Variants in NOTCH1 observed in about 807,000 individuals in gnomAD.
NOTCH1 encodes neurogenic locus notch homolog protein 1.
A neutral mutation model predicts 254.8 loss-of-function variants in NOTCH1; 37 were observed. That is an observed-to-expected ratio of 0.15 (90% confidence interval 0.11 to 0.19). NOTCH1 has a LOEUF of 0.19. Ranked by LOEUF, NOTCH1 falls within the 10% of genes least tolerant of loss-of-function variation. The pLI, the probability that NOTCH1 is intolerant of heterozygous loss-of-function variation, is 1.00. For missense variants in NOTCH1, 2,972 were observed against 3,708.6 expected, an observed-to-expected ratio of 0.80 and a Z score of 5.16; for synonymous variants, 1,731 against 1,618.1, an observed-to-expected ratio of 1.07 and a Z score of -1.68.
intron 31 of NOTCH1, among the ~76,000 whole-genome samples, 162 bp downstream of exon 31, chr9:136,500,390 C>T (rs567140263): frequency 1.6e-4 from 25 of 152,372 alleles, no homozygotes; most frequent in Admixed American, 1.0e-3. Context: ...CCCTCCCCCT[C>T]GCACCTCGCT....
rs1843683637 is a variant in NOTCH1, at chr9:136,538,226, C to T, written c.140+5798G>A. On this transcript the variant is annotated intron_variant, in intron 2 of 33. Transcript: ENST00000651671. ...GGGTGGGGCAGGGCCACAAGGAGAA[C>T]CCAACCAGGCAACTTTGGAAAAGGG... is the stretch of plus-strand genomic sequence containing the variant. 2.6e-5 allele frequency among the ~76,000 whole-genome samples: 4 copies of T among 152,140 alleles called. No individual in the cohort carries two copies. The South Asian group carries it at 8.3e-4, about 32-fold the overall frequency.
At chr9:136,497,646 T>C in intron 33 of NOTCH1, 88 bp from the exon 34 acceptor site, 2 of 1,183,514 alleles carry the variant, frequency 1.7e-6, no homozygotes, top group Non-Finnish European at 2.3e-6. Context: ...GAAGCAGCAG[T>C]ACAACCTCCT....
rs780071276 is a variant in NOTCH1, at chr9:136,496,955, C to T, written c.6784G>A (p.Gly2262Ser). ...KPEMAALGGGGRLAFETGPPR... is the reference protein window; with the variant it reads ...KPEMAALGGGSRLAFETGPPR... ...GGGCCAGTCTCAAAGGCCAGCCGGC[C>T]GCCCCCACCCAGCGCCGCCATCTCG... Residue 2262 changes from glycine to serine, a missense_variant, in exon 34 of 34, where the codon GGC (glycine) becomes AGC (serine). Coordinates refer to ENST00000651671, the MANE Select transcript of NOTCH1 (RefSeq NM_017617.5). 13 of 1,610,890 alleles carry T rather than the reference C, an allele frequency of 8.1e-6. No individual in the cohort carries two copies. Among genetic ancestry groups the T allele is most frequent in the East Asian group, 2.2e-5 (1 of 44,864 alleles).
chr9:136,501,724 A>G (rs2133328377), intron 30 of NOTCH1, 24 bp downstream of exon 30: 1 of 1,608,888 alleles, frequency 6.2e-7, no homozygotes, highest in Non-Finnish European at 8.5e-7. Context: ...GGGCTAGGGA[A>G]GCCCTGGCTG....
At position 136,545,645 on chromosome 9, in the gene NOTCH1, C is replaced by T. The variant is rs1485080652; in HGVS notation, c.61+81G>A. 3 of 1,215,110 alleles carry T rather than the reference C, an allele frequency of 2.5e-6. No homozygotes were observed. In the Admixed American group the frequency reaches 8.9e-5, roughly 36 times the overall value. The allele number at this position is 1,215,110 out of a possible 1,614,324, so 75.3% of individuals were successfully genotyped here. A position where few individuals can be genotyped will look rare whatever the true frequency, so the allele number is the denominator to read the frequency against. ...TGGCCTCCCCGCCGCCCGCTCCCAG[C>T]CGTGGGGCGCGCGCGCCGGGCGCCG... is the stretch of plus-strand genomic sequence containing the variant. On this transcript the variant is annotated intron_variant, in intron 1 of 33. Transcript: ENST00000651671. The surrounding 1 kb of genome is among the most constrained non-coding windows in gnomAD (Gnocchi z 6.8).
At chr9:136,523,264 C>A in intron 3 of NOTCH1, 76 bp from the exon 4 acceptor site, 1 of 1,414,536 alleles carries the variant, frequency 7.1e-7, no homozygotes, top group Non-Finnish European at 9.7e-7. Flanking sequence ...CTTCAGGCCA[C>A]CTGGAGGTGC....
chr9:136,496,679 G>A lies in NOTCH1; in HGVS notation c.7060C>T (p.Leu2354Phe). The change falls in exon 34 of 34, where the codon CTT (leucine) becomes TTT (phenylalanine). Residue 2354 changes from leucine to phenylalanine, a missense_variant. This residue lies in a region of NOTCH1 where 529 missense variants were observed against 529.2 expected (regional missense o/e 1.00). Coordinates refer to ENST00000651671, the MANE Select transcript of NOTCH1 (RefSeq NM_017617.5). ...ATCTGGGACAGGGCGCTGGCAGCAA[G>A]GCTACTGTGCAGCGGGCCTACCATG... The part of the protein sequence containing the change: ...HGMVGPLHSS[L>F]AASALSQMMS... 1 of 1,612,900 alleles carries A rather than the reference G, an allele frequency of 6.2e-7. No homozygotes were observed. The highest frequency in any genetic ancestry group is 2.2e-5 in the East Asian group (1 of 44,886).
At position 136,517,326 on chromosome 9, in the gene NOTCH1, G is replaced by A. The variant is rs1363375217; in HGVS notation, c.1501C>T (p.His501Tyr). 1 of 1,609,806 alleles carries A rather than the reference G, an allele frequency of 6.2e-7. No homozygotes were observed. Among genetic ancestry groups the A allele is most frequent in the African/African-American group, 1.3e-5 (1 of 74,830 alleles). ...TDECASSPCL[H>Y]NGRCLDKINE... Reference sequence around the variant, plus strand: ...ATCTTGTCCAGGCAGCGGCCATTGTGCAGGCAGGGGCTGCTGGCACACTCG... The same window carrying A: ...ATCTTGTCCAGGCAGCGGCCATTGTACAGGCAGGGGCTGCTGGCACACTCG... The change falls in exon 9 of 34, where the codon CAC becomes TAC. Residue 501 changes from histidine to tyrosine, a missense_variant. By Grantham distance (83) the His-to-Tyr change is moderately conservative. This residue lies in a region of NOTCH1 where 128 missense variants were observed against 193.8 expected (regional missense o/e 0.66). Transcript: ENST00000651671.
chr9:136,519,328 T>C, intron 5 of NOTCH1, 115 bp downstream of exon 5: 2 of 1,468,538 alleles, frequency 1.4e-6, no homozygotes, highest in South Asian at 1.2e-5. Context: ...AACCCTAGTC[T>C]GCCTGGCCTG....
intron 10 of NOTCH1, 60 bp downstream of exon 10, chr9:136,515,921 C>T (rs1589066651): frequency 1.4e-6 from 2 of 1,405,294 alleles, no homozygotes; most frequent in East Asian, 4.7e-5. Context: ...GTCAGTTTCA[C>T]TGCCCTGAGT....
At position 136,510,465 on chromosome 9, in the gene NOTCH1, C is replaced by T. The variant is rs149216059; in HGVS notation, c.2740+188G>A. 0.017 allele frequency: 12,240 copies of T among 706,972 alleles called. 168 individuals are homozygous for T. Among genetic ancestry groups the T allele is most frequent in the Middle Eastern group, 0.054 (140 of 2,574 alleles). 43.8% of individuals were successfully genotyped at this position (706,972 alleles called of 1,614,324 possible). A position where few individuals can be genotyped will look rare whatever the true frequency, so the allele number is the denominator to read the frequency against. ...CCGCGAAGTGCAGGGAGGAGCAAGC[C>T]GGCTCTGGGGCCCTCCTGAACCACC... On this transcript the variant is annotated intron_variant, in intron 17 of 33. Transcript: ENST00000651671.
intron 26 of NOTCH1, among the ~76,000 whole-genome samples, 179 bp from the exon 27 acceptor site, chr9:136,503,509 G>C (rs1843032563): frequency 6.6e-6 from 1 of 152,144 alleles, no homozygotes; most frequent in African/African-American, 2.4e-5. Flanking sequence ...ACTGGTGCCA[G>C]CCCCCCGACT....
chr9:136,509,200 G>A lies in NOTCH1; in HGVS notation c.2970-129C>T, dbSNP rs1843138558. 4.3e-6 allele frequency: 4 copies of A among 931,040 alleles called. No individual in the cohort carries two copies. The South Asian group carries it at 6.4e-5, about 15-fold the overall frequency. The allele number at this position is 931,040 out of a possible 1,614,324, so 57.7% of individuals were successfully genotyped here. On this transcript the variant is annotated intron_variant, in intron 18 of 33. Coordinates refer to ENST00000651671, the MANE Select transcript of NOTCH1 (RefSeq NM_017617.5). ...GGCCTGATGGCCAGGACAGGCCCAG[G>A]GCAGCCTGGCTGACCCAGGGAGGCC...
At chr9:136,543,151 A>G in intron 2 of NOTCH1, 1 of 159,650 alleles carries the variant, frequency 6.3e-6, no homozygotes, top group Non-Finnish European at 1.4e-5. Flanking sequence ...GGCCGGGAAG[A>G]GGGAGCTGGG....
At chr9:136,530,727 C>T (rs992590306) in intron 2 of NOTCH1, among the ~76,000 whole-genome samples, 8 of 152,246 alleles carry the variant, frequency 5.3e-5, no homozygotes, top group African/African-American at 1.9e-4. Context: ...CCTAGGGACC[C>T]ATGTGGACAA....
chr9:136,502,642 G>A (rs147850803), intron 27 of NOTCH1, 154 bp from the exon 28 acceptor site: 189 of 576,132 alleles, frequency 3.3e-4, no homozygotes, highest in African/African-American at 3.2e-3. Context: ...CATTTTCTAC[G>A]CGATTAATCA....
chr9:136,514,526 G>A lies in NOTCH1; in HGVS notation c.2191C>T (p.Arg731Trp), dbSNP rs199666126. 4.8e-5 allele frequency: 76 copies of A among 1,587,972 alleles called. No individual in the cohort carries two copies. Among genetic ancestry groups the A allele is most frequent in the African/African-American group, 3.9e-4 (29 of 74,786 alleles). ...GCCGCATACCCGTTGAGGCTGTCCC[G>A]GCAGGCCCCGTGGACGCAGGGGTTG... ...NSNPCVHGAC[R>W]DSLNGYKCDC... Residue 731 changes from arginine to tryptophan, a missense_variant, in exon 13 of 34, where the codon CGG becomes TGG. Arg to Trp is a moderately radical substitution (Grantham distance 101, BLOSUM62 -3). This residue lies in a region of NOTCH1 where 1,343 missense variants were observed against 1,557.0 expected (regional missense o/e 0.86). Coordinates refer to ENST00000651671, the MANE Select transcript of NOTCH1 (RefSeq NM_017617.5).
rs371627685 is a variant in NOTCH1, at chr9:136,513,064, G to A, written c.2424C>T (p.Asp808=). The change falls in exon 15 of 34, where the codon GAC becomes GAT. Residue 808 remains aspartate (D), a synonymous_variant. Transcript: ENST00000651671. This position sits in a 1 kb window ranked among gnomAD's most constrained non-coding sequence, Gnocchi z 4.7. Reference sequence around the variant, plus strand: ...AGTTGCACTTGTACCCGGCAACGTCGTCAATACACGTGCCCTGGTTCAGAC... The same window carrying A: ...AGTTGCACTTGTACCCGGCAACGTCATCAATACACGTGCCCTGGTTCAGAC... The part of the protein sequence containing the change: ...NPCLNQGTCI[D]DVAGYKCNCL... 2.8e-5 allele frequency: 45 copies of A among 1,607,972 alleles called. No homozygotes were observed. The highest frequency in any genetic ancestry group is 2.0e-4 in the Admixed American group (12 of 59,500).
At position 136,545,769 on chromosome 9, in the gene NOTCH1, C is replaced by A. The variant is rs752471556; in HGVS notation, c.18G>T (p.Ala6=). 8.0e-5 allele frequency: 109 copies of A among 1,361,904 alleles called. 1 individual carries two copies. In the East Asian group the frequency reaches 9.3e-4, roughly 12 times the overall value. The allele number at this position is 1,361,904 out of a possible 1,614,324, so 84.4% of individuals were successfully genotyped here. MPPLL[A]PLLCLALLPA... ...GCAGCAGCGCCAGGCAGAGCAGGGG[C>A]GCCAGGAGCGGCGGCATGCCTCCCC... The change falls in exon 1 of 34, where the codon GCG becomes GCT. Residue 6 remains alanine (A), a synonymous_variant. Transcript: ENST00000651671. This position sits in a 1 kb window ranked among gnomAD's most constrained non-coding sequence, Gnocchi z 6.8.
Sources: gnomAD v4.1 joint callset for allele counts (sites outside exome capture counted in the v4.1 genomes callset) on GRCh38, gnomAD v4.1.1 for gene constraint, gnomAD v4.1.1 regional missense constraint, Gnocchi (gnomAD v3.1) non-coding constraint, MANE v1.5 for transcripts, NCBI Gene and HGNC (gene_info 2026-07-23, HGNC 2026-07-21) for gene names.